CEP85L: variants seen among roughly 807,000 people sequenced by gnomAD.
CEP85L encodes centrosomal protein 85L.
Under a neutral mutation model 100.3 loss-of-function variants are expected in CEP85L, and 60 were observed. The observed-to-expected ratio is 0.60, with a 90% CI of 0.49 to 0.74. CEP85L has a LOEUF of 0.74. CEP85L is among the 30% of genes least tolerant of loss of function. The probability of loss-of-function intolerance (pLI) is 0.00; values close to 1 mark genes in which losing one functional copy is unlikely to be tolerated. For synonymous variants in CEP85L, 319 were observed against 322.7 expected (o/e 0.99, Z 0.12); for missense variants, 973 against 936.2 (o/e 1.04, Z -0.51).
At chr6:118,490,324 T>A (rs1774473776) in intron 6 of CEP85L, among the ~76,000 whole-genome samples, 1 of 152,198 alleles carries the variant, frequency 6.6e-6, no homozygotes, top group African/African-American at 2.4e-5. Context: ...AAAGGGTACA[T>A]CTTGTATTAA....
chr6:118,472,100 CAG>C (rs1773004184), intron 10 of CEP85L, among the ~76,000 whole-genome samples: 1 of 150,790 alleles, frequency 6.6e-6, no homozygotes, highest in Non-Finnish European at 1.5e-5. Context: ...TTATATATAA[CAG>C]AATAATTATA....
intron 2 of CEP85L, among the ~76,000 whole-genome samples, chr6:118,587,915 G>C (rs1177224832): frequency 2.0e-5 from 3 of 152,120 alleles, no homozygotes; most frequent in African/African-American, 7.2e-5. Context: ...AGAAAAATCT[G>C]CCAGTGTCTC....
chr6:118,502,364 A>G (rs1775360381), intron 5 of CEP85L: 2 of 539,644 alleles, frequency 3.7e-6, no homozygotes, highest in South Asian at 3.6e-5. Flanking sequence ...AAGATTACCC[A>G]TATGTTAAGA....
chr6:118,633,037 C>T (rs1774265555), intron 1 of CEP85L, among the ~76,000 whole-genome samples: 1 of 152,088 alleles, frequency 6.6e-6, no homozygotes, highest in African/African-American at 2.4e-5. Flanking sequence ...AGGATATCCA[C>T]ATGGAATATG....
chr6:118,583,902 C>T (rs961451528), intron 2 of CEP85L, among the ~76,000 whole-genome samples: 2 of 152,208 alleles, frequency 1.3e-5, no homozygotes, highest in Non-Finnish European at 2.9e-5. Flanking sequence ...AACTCAAATA[C>T]CTGAGGGAAC....
intron 3 of CEP85L, among the ~76,000 whole-genome samples, chr6:118,531,136 T>A (rs557188800): frequency 6.6e-6 from 1 of 152,158 alleles, no homozygotes; most frequent in Non-Finnish European, 1.5e-5. Flanking sequence ...CAAAGCAGCA[T>A]GGTACTGGTA....
At chr6:118,499,430 C>T (rs996403685) in intron 5 of CEP85L, among the ~76,000 whole-genome samples, 5 of 152,124 alleles carry the variant, frequency 3.3e-5, no homozygotes, top group Non-Finnish European at 5.9e-5. Context: ...CTTTGGGAGG[C>T]TGAGGCGGGT....
chr6:118,594,530 C>T (rs1227967913), intron 2 of CEP85L, among the ~76,000 whole-genome samples: 2 of 152,070 alleles, frequency 1.3e-5, no homozygotes, highest in Non-Finnish European at 2.9e-5. Flanking sequence ...AAATAAAATA[C>T]ATAAGTACAC....
At chr6:118,516,473 T>C (rs1319302042) in intron 4 of CEP85L, among the ~76,000 whole-genome samples, 1 of 152,240 alleles carries the variant, frequency 6.6e-6, no homozygotes, top group Non-Finnish European at 1.5e-5. Context: ...TATCTCATTG[T>C]GGTTTTGATT....
At chr6:118,608,636 C>A (rs1023788932) in intron 2 of CEP85L, among the ~76,000 whole-genome samples, 2 of 152,118 alleles carry the variant, frequency 1.3e-5, no homozygotes, top group African/African-American at 4.8e-5. Context: ...ATTTTTCAGG[C>A]CTAATACTTC....
chr6:118,505,828 T>A (rs543742246), intron 5 of CEP85L, among the ~76,000 whole-genome samples: 116 of 152,284 alleles, frequency 7.6e-4, no homozygotes, highest in African/African-American at 2.6e-3. Flanking sequence ...CATTACTAAT[T>A]TGTCAAAACC....
intron 3 of CEP85L, among the ~76,000 whole-genome samples, chr6:118,562,962 A>G (rs1779308236): frequency 1.3e-5 from 2 of 152,146 alleles, no homozygotes; most frequent in African/African-American, 4.8e-5. Context: ...TCCCCAAGAA[A>G]AGGAACTCAA....
chr6:118,625,398 T>C (rs1355192478), intron 2 of CEP85L, among the ~76,000 whole-genome samples: 1 of 152,202 alleles, frequency 6.6e-6, no homozygotes, highest in Admixed American at 6.5e-5. Flanking sequence ...TTCTCCCTTT[T>C]ATGGTAGGAG....
At chr6:118,547,281 A>G (rs1299079942) in intron 3 of CEP85L, among the ~76,000 whole-genome samples, 1 of 152,152 alleles carries the variant, frequency 6.6e-6, no homozygotes, top group Non-Finnish European at 1.5e-5. Flanking sequence ...CCCCAGTTCT[A>G]CTGTAAGATA....
intron 2 of CEP85L, among the ~76,000 whole-genome samples, chr6:118,609,535 A>C (rs138335968): frequency 9.7e-4 from 148 of 152,270 alleles, no homozygotes; most frequent in African/African-American, 3.5e-3. Flanking sequence ...CCTATATGAC[A>C]ACAGGACTTC....
intron 2 of CEP85L, among the ~76,000 whole-genome samples, chr6:118,620,129 A>G (rs1360298870): frequency 6.6e-5 from 10 of 152,220 alleles, no homozygotes. Flanking sequence ...TAGAAAGGGT[A>G]TGGGAGGCTC....
intron 1 of CEP85L, among the ~76,000 whole-genome samples, chr6:118,690,315 C>T (rs536318922): frequency 1.6e-4 from 25 of 152,192 alleles, no homozygotes; most frequent in Non-Finnish European, 3.1e-4. Flanking sequence ...TACTCTCCTG[C>T]TCTTTTATAC....
chr6:118,555,264 T>C (rs563046183), intron 3 of CEP85L, among the ~76,000 whole-genome samples: 1 of 152,042 alleles, frequency 6.6e-6, no homozygotes, highest in Admixed American at 6.5e-5. Context: ...ACCCCGTCTC[T>C]ACTAAAAACA....
intron 6 of CEP85L, chr6:118,491,435 G>A: frequency 8.4e-7 from 1 of 1,184,446 alleles, no homozygotes; most frequent in Non-Finnish European, 1.1e-6. Context: ...CAGTTATTTG[G>A]TGTAGGCAAT....
Sources: gnomAD v4.1 joint callset for allele counts (sites outside exome capture counted in the v4.1 genomes callset) on GRCh38, gnomAD v4.1.1 for gene constraint, MANE v1.5 for transcripts, NCBI Gene and HGNC (gene_info 2026-07-23, HGNC 2026-07-21) for gene names.